The following TMEM181 variants were observed in gnomAD, a reference collection of about 807,000 sequenced individuals.
The protein encoded by TMEM181 is transmembrane protein 181.
Under a neutral mutation model 71.9 loss-of-function variants are expected in TMEM181, and 39 were observed. The ratio of observed to expected loss-of-function variants is 0.54; its 90% CI spans 0.42 to 0.71. The LOEUF is 0.71. TMEM181 is among the 30% of genes least tolerant of loss of function. The pLI is 0.00. For synonymous variants in TMEM181, 245 were observed against 228.8 expected, an observed-to-expected ratio of 1.07 and a Z score of -0.64; for missense variants, 595 against 583.0, an observed-to-expected ratio of 1.02 and a Z score of -0.21.
upstream of TMEM181, among the ~76,000 whole-genome samples, chr6:158,555,851 C>T (rs1237362206): frequency 4.1e-5 from 6 of 145,840 alleles, no homozygotes; most frequent in African/African-American, 7.8e-5. Flanking sequence ...GTGCGCCCAC[C>T]GTTTAGAATG....
At chr6:158,603,072 C>T (rs1784757491) in intron 6 of TMEM181, among the ~76,000 whole-genome samples, 1 of 152,142 alleles carries the variant, frequency 6.6e-6, no homozygotes, top group Non-Finnish European at 1.5e-5. Flanking sequence ...TGTGCTTGGC[C>T]ATTGAGCTTC....
chr6:158,563,037 A>T (rs1782274188), intron 1 of TMEM181, among the ~76,000 whole-genome samples: 1 of 152,234 alleles, frequency 6.6e-6, no homozygotes, highest in South Asian at 2.1e-4. Context: ...AACAGCTGAC[A>T]GTTCATGGTT....
chr6:158,539,186 G>A (rs900652235), intron 1 of TMEM181, among the ~76,000 whole-genome samples: 9 of 152,046 alleles, frequency 5.9e-5, no homozygotes, highest in Admixed American at 1.3e-4. Flanking sequence ...ATTCTGCCCC[G>A]CCCCCCGCCA....
chr6:158,604,051 A>G (rs777112820), intron 6 of TMEM181, among the ~76,000 whole-genome samples: 40 of 152,188 alleles, frequency 2.6e-4, no homozygotes, highest in Non-Finnish European at 5.4e-4. Context: ...ATGCTACCCA[A>G]TGCCCTTTGA....
rs576738453 is a variant in TMEM181 at position 158,626,076 on chromosome 6, G to A, written c.1109+322G>A. Among the ~76,000 whole-genome samples, 4 of 152,332 alleles carry A rather than the reference G, an allele frequency of 2.6e-5. No individual in the cohort carries two copies. In the East Asian group the frequency reaches 5.8e-4, roughly 22 times the overall value. On this transcript the variant is annotated intron_variant, in intron 13 of 16. Coordinates refer to ENST00000684151, the MANE Select transcript of TMEM181 (RefSeq NM_001376852.1). ...TGGAAGTAAGGGCACTGGGGACCTC[G>A]GGATCCTTGGGGTGCCCCAGGGACA...
chr6:158,590,305 A>C (rs760652884), intron 6 of TMEM181, among the ~76,000 whole-genome samples: 17 of 151,920 alleles, frequency 1.1e-4, no homozygotes, highest in Non-Finnish European at 1.9e-4. Context: ...GTTGAGCCTC[A>C]GTTTTCTTAT....
At chr6:158,536,714 G>C in exon 1 of TMEM181, 1 of 1,551,590 alleles carries the variant, frequency 6.4e-7, no homozygotes, top group Non-Finnish European at 8.7e-7. Context: ...GGCGGGACCG[G>C]GACCCGGGAG....
At chr6:158,623,697 C>A in intron 11 of TMEM181, 90 bp downstream of exon 11, 1 of 935,340 alleles carries the variant, frequency 1.1e-6, no homozygotes. Context: ...TTCTGTTGAG[C>A]TTTTTGCTAA....
At chr6:158,549,938 C>A (rs187735731) in intron 1 of TMEM181, among the ~76,000 whole-genome samples, 6 of 138,824 alleles carry the variant, frequency 4.3e-5, no homozygotes, top group Non-Finnish European at 9.1e-5. Context: ...CCTTCCCCAA[C>A]CTATTTGTCA....
In TMEM181 at chr6:158,573,576, C is replaced by T. The variant is rs1320655946; in HGVS notation, c.112+53C>T. 28 of 1,467,298 alleles carry T rather than the reference C, an allele frequency of 1.9e-5. 1 individual carries two copies. The highest frequency in any genetic ancestry group is 1.2e-4 in the Admixed American group (6 of 51,012). The allele number at this position is 1,467,298 out of a possible 1,614,324, so 90.9% of individuals were successfully genotyped here. On this transcript the variant is annotated intron_variant, in intron 2 of 16. Coordinates refer to ENST00000684151, the MANE Select transcript of TMEM181 (RefSeq NM_001376852.1). ...CTTTTGCCATGCGCGGTGGCCCTGGCGTATTGCTTTCGGTCAGCCCAGCTG... is the reference window on the plus strand; with the variant it reads ...CTTTTGCCATGCGCGGTGGCCCTGGTGTATTGCTTTCGGTCAGCCCAGCTG...
chr6:158,625,122 A>C lies in TMEM181; in HGVS notation c.973A>C (p.Met325Leu). The C allele has an allele frequency of 6.2e-7, 1 of 1,614,144 alleles. No individual in the cohort carries two copies. Residue 325 changes from methionine (M) to leucine (L), a missense_variant, in exon 12 of 17, where the codon ATG (methionine) becomes CTG (leucine). Transcript: ENST00000684151. ...GNFQGMKVFFMVVAAVYILYL... is the reference protein window; with the variant it reads ...GNFQGMKVFFLVVAAVYILYL... Reference sequence around the variant, plus strand: ...CTCCTAGGGAATGAAGGTCTTCTTCATGGTGGTGGCAGCGGTGTACATTCT... The same window carrying C: ...CTCCTAGGGAATGAAGGTCTTCTTCCTGGTGGTGGCAGCGGTGTACATTCT...
At chr6:158,572,772 TCA>T (rs1782936505) in intron 1 of TMEM181, among the ~76,000 whole-genome samples, 1 of 152,126 alleles carries the variant, frequency 6.6e-6, no homozygotes, top group Non-Finnish European at 1.5e-5. Flanking sequence ...TCTGTGTAAA[TCA>T]CAGAAACCTG....
chr6:158,592,535 C>T (rs141935897), intron 6 of TMEM181, among the ~76,000 whole-genome samples: 517 of 151,714 alleles, frequency 3.4e-3, no homozygotes, highest in African/African-American at 0.012. Flanking sequence ...TGCAGTGGCG[C>T]GATCACGGCT....
intron 1 of TMEM181, among the ~76,000 whole-genome samples, chr6:158,553,186 C>G (rs1332533880): frequency 1.0e-5 from 1 of 99,224 alleles, no homozygotes; most frequent in Admixed American, 1.1e-4. Flanking sequence ...GGGTCCCTGT[C>G]TCCGAAAAAA....
chr6:158,604,057 T>C (rs1276049967), intron 6 of TMEM181, among the ~76,000 whole-genome samples: 1 of 152,250 alleles, frequency 6.6e-6, no homozygotes, highest in Non-Finnish European at 1.5e-5. Context: ...CCCAATGCCC[T>C]TTGATGGTGA....
chr6:158,560,282 GC>G, intron 1 of TMEM181, 50 bp downstream of exon 1: 1 of 985,240 alleles, frequency 1.0e-6, no homozygotes, highest in South Asian at 4.7e-5. Flanking sequence ...GGACACTCCG[GC>G]CGAAAGTTGG....
chr6:158,581,298 C>A (rs1279426492), intron 3 of TMEM181, among the ~76,000 whole-genome samples: 1 of 152,214 alleles, frequency 6.6e-6, no homozygotes, highest in South Asian at 2.1e-4. Context: ...TAAGTCCTAT[C>A]AGATTGTAAT....
chr6:158,586,881 G>A (rs965077755), intron 5 of TMEM181, among the ~76,000 whole-genome samples: 1 of 152,170 alleles, frequency 6.6e-6, no homozygotes, highest in African/African-American at 2.4e-5. Flanking sequence ...CCTTATGTGT[G>A]CAGCCTGAGG....
At position 158,632,012 on chromosome 6, in the gene TMEM181, A is replaced by T. The variant is rs1392359050; in HGVS notation, c.*124A>T. On this transcript the variant is annotated 3_prime_UTR_variant, in exon 17 of 17. Transcript: ENST00000684151. Reference sequence around the variant, plus strand: ...AGAGATTTCCTGTTCATTTGTTTACATATTTTTTTAAAGGAAAACCAAAAC... The same window carrying T: ...AGAGATTTCCTGTTCATTTGTTTACTTATTTTTTTAAAGGAAAACCAAAAC... 9.7e-7 allele frequency: 1 copy of T among 1,028,400 alleles called. No individual in the cohort carries two copies. Among genetic ancestry groups the T allele is most frequent in the Admixed American group, 2.8e-5 (1 of 36,012 alleles). 63.7% of individuals were successfully genotyped at this position (1,028,400 alleles called of 1,614,324 possible). A position where few individuals can be genotyped will look rare whatever the true frequency, so the allele number is the denominator to read the frequency against.
Sources: gnomAD v4.1 joint callset for allele counts (sites outside exome capture counted in the v4.1 genomes callset) on GRCh38, gnomAD v4.1.1 for gene constraint, MANE v1.5 for transcripts, NCBI Gene and HGNC (gene_info 2026-07-23, HGNC 2026-07-21) for gene names.